PLXNA4: variants seen among roughly 807,000 people sequenced by gnomAD.
The protein encoded by PLXNA4 is plexin-A4.
PLXNA4 carries 44 observed loss-of-function variants against 191.8 expected under a neutral mutation model. The ratio of observed to expected loss-of-function variants is 0.23; its 90% CI spans 0.18 to 0.29. The LOEUF is 0.29. PLXNA4 is among the 10% of genes least tolerant of loss of function. The pLI is 1.00. For missense variants in PLXNA4, 1,800 were observed against 2,488.8 expected, an observed-to-expected ratio of 0.72 and a Z score of 5.89; for synonymous variants, 1,082 against 1,009.5, an observed-to-expected ratio of 1.07 and a Z score of -1.36.
In PLXNA4 at chr7:132,410,719, G is replaced by A. The variant is rs151109763; in HGVS notation, c.1371+78573C>T. ...ATGCAATCACTCCCCTCCCCAAGGC[G>A]CTGGTGGGGAAGACTGCTATCGTTT... On this transcript the variant is annotated intron_variant, in intron 3 of 31. Transcript: ENST00000321063. Among the ~76,000 whole-genome samples the A allele has an allele frequency of 1.5e-3, 236 of 152,320 alleles. 1 individual carries two copies. Among genetic ancestry groups the A allele is most frequent in the African/African-American group, 5.4e-3 (226 of 41,572 alleles).
chr7:132,532,875 A>T (rs1465695421), intron 1 of PLXNA4, among the ~76,000 whole-genome samples: 1 of 152,024 alleles, frequency 6.6e-6, no homozygotes, highest in African/African-American at 2.4e-5. Context: ...CCATCTCTAC[A>T]CTTACAAATG....
intron 21 of PLXNA4, among the ~76,000 whole-genome samples, chr7:132,168,808 A>G (rs187197225): frequency 1.3e-5 from 2 of 152,342 alleles, no homozygotes; most frequent in African/African-American, 4.8e-5. Flanking sequence ...CATGGTTAGT[A>G]AATGGCGGGG....
rs1268487082 is a variant in PLXNA4 at position 132,124,850 on chromosome 7, A to G, written c.*5629T>C. On this transcript the variant is annotated 3_prime_UTR_variant, in exon 32 of 32. Coordinates refer to ENST00000321063, the MANE Select transcript of PLXNA4 (RefSeq NM_020911.2). ...TACAAACAGAAAGTTCTTTTTGTAT[A>G]TGAAGGATTTTGTTTCGTTTTGTTT... 2.6e-5 allele frequency: 4 copies of G among 152,246 alleles called. No homozygotes were observed. The highest frequency in any genetic ancestry group is 4.4e-5 in the Non-Finnish European group (3 of 68,042). The allele number at this position is 152,246 out of a possible 1,614,324, so 9.4% of individuals were successfully genotyped here.
intron 4 of PLXNA4, among the ~76,000 whole-genome samples, chr7:132,287,178 G>A (rs1366208461): frequency 6.6e-6 from 1 of 152,146 alleles, no homozygotes; most frequent in Non-Finnish European, 1.5e-5. Context: ...GAGACTATAG[G>A]CACGCACAAT....
chr7:132,566,055 A>G (rs1442780883), intron 1 of PLXNA4, among the ~76,000 whole-genome samples: 1 of 152,206 alleles, frequency 6.6e-6, no homozygotes, highest in Non-Finnish European at 1.5e-5. Context: ...GTCACCAAAC[A>G]GTTTAATGCT....
chr7:132,534,755 CTAA>C (rs1799763365), intron 1 of PLXNA4, among the ~76,000 whole-genome samples: 2 of 152,300 alleles, frequency 1.3e-5, no homozygotes, highest in Non-Finnish European at 2.9e-5. Context: ...AACAGCTCTA[CTAA>C]TATTTGATAT....
chr7:132,366,954 G>A (rs1181532333), intron 3 of PLXNA4, among the ~76,000 whole-genome samples: 2 of 152,136 alleles, frequency 1.3e-5, no homozygotes, highest in Non-Finnish European at 2.9e-5. Context: ...TATTTTTGTA[G>A]AGACAGGTTC....
At chr7:132,614,897 G>C (rs1030907809) in intron 2 of PLXNA4, among the ~76,000 whole-genome samples, 1 of 152,178 alleles carries the variant, frequency 6.6e-6, no homozygotes, top group African/African-American at 2.4e-5. Flanking sequence ...GGCTGGGAAG[G>C]TCGCCTGTGT....
intron 1 of PLXNA4, among the ~76,000 whole-genome samples, chr7:132,563,110 C>CT (rs1801388790): frequency 5.1e-5 from 2 of 39,434 alleles, no homozygotes; most frequent in South Asian, 2.7e-3. Flanking sequence ...CTCCTCCTCT[C>CT]CCTCCTCCTC....
rs538133015 is a variant in PLXNA4 at position 132,342,680 on chromosome 7, C to T, written c.1372-44458G>A. 7.9e-5 allele frequency among the ~76,000 whole-genome samples: 12 copies of T among 152,170 alleles called. No individual in the cohort carries two copies. In the South Asian group the frequency reaches 2.5e-3, roughly 32 times the overall value. ...ATTTACACGAGGCCAGGCATGGTGG[C>T]TCACGCCTATAATCCCAGCACTTAG... On this transcript the variant is annotated intron_variant, in intron 3 of 31. Transcript: ENST00000321063.
chr7:132,253,713 G>A (rs73157225), intron 4 of PLXNA4, among the ~76,000 whole-genome samples: 1,668 of 152,174 alleles, frequency 0.011, 10 homozygotes, highest in Non-Finnish European at 0.018. Context: ...CCCATATTGG[G>A]TGGGAAAGTC....
intron 21 of PLXNA4, 97 bp downstream of exon 21, chr7:132,174,681 T>C: frequency 1.3e-6 from 2 of 1,543,372 alleles, no homozygotes; most frequent in East Asian, 2.3e-5. Context: ...GTCCCCTCCC[T>C]GGCCTTAGTT....
chr7:132,490,373 A>T (rs1376418011), intron 2 of PLXNA4, among the ~76,000 whole-genome samples: 3 of 151,794 alleles, frequency 2.0e-5, no homozygotes, highest in Non-Finnish European at 4.4e-5. Flanking sequence ...AAGTATGTTT[A>T]ACCTTATCTC....
At chr7:132,348,779 T>G (rs141038577) in intron 3 of PLXNA4, among the ~76,000 whole-genome samples, 1 of 152,094 alleles carries the variant, frequency 6.6e-6, no homozygotes, top group Non-Finnish European at 1.5e-5. Context: ...AACCCTGGAG[T>G]GCAGAGAATC....
upstream of PLXNA4, among the ~76,000 whole-genome samples, chr7:132,580,855 A>AC (rs1802388966): frequency 6.6e-6 from 1 of 152,164 alleles, no homozygotes; most frequent in South Asian, 2.1e-4. Context: ...GGATAGAAAA[A>AC]CCACAGGCAG....
chr7:132,573,839 T>C (rs1331253005), intron 1 of PLXNA4, among the ~76,000 whole-genome samples: 1 of 152,110 alleles, frequency 6.6e-6, no homozygotes, highest in Non-Finnish European at 1.5e-5. Flanking sequence ...TTAAGCACCG[T>C]CTACCAGGCA....
intron 1 of PLXNA4, among the ~76,000 whole-genome samples, chr7:132,530,250 C>G (rs2116430803): frequency 6.6e-6 from 1 of 152,260 alleles, no homozygotes; most frequent in South Asian, 2.1e-4. Flanking sequence ...ATTCAACTGT[C>G]TAAACATGCA....
intron 3 of PLXNA4, among the ~76,000 whole-genome samples, chr7:132,346,957 G>A (rs145258291): frequency 2.1e-4 from 32 of 152,328 alleles, no homozygotes; most frequent in African/African-American, 7.5e-4. Context: ...GACATTAAAT[G>A]AAGGGTCAGA....
At chr7:132,423,379 G>T (rs936930357) in intron 3 of PLXNA4, among the ~76,000 whole-genome samples, 1 of 152,190 alleles carries the variant, frequency 6.6e-6, no homozygotes, top group African/African-American at 2.4e-5. Context: ...TAGGATCTAG[G>T]CCCTGTTCTG....
Sources: gnomAD v4.1 joint callset for allele counts (sites outside exome capture counted in the v4.1 genomes callset) on GRCh38, gnomAD v4.1.1 for gene constraint, MANE v1.5 for transcripts, NCBI Gene and HGNC (gene_info 2026-07-23, HGNC 2026-07-21) for gene names.